ERI2: variants seen among roughly 807,000 people sequenced by gnomAD.
The protein encoded by ERI2 is ERI1 exoribonuclease 2.
Under a neutral mutation model 46.8 loss-of-function variants are expected in ERI2, and 35 were observed. That is an observed-to-expected ratio of 0.75 (90% CI 0.57 to 0.99). ERI2 has a LOEUF of 0.99. Among genes scored for constraint, ERI2 ranks in the 50% least tolerant of loss-of-function variants. ERI2 has a pLI of 0.00. For missense variants in ERI2, 695 were observed against 796.2 expected (o/e 0.87, Z 1.53); for synonymous variants, 224 against 271.0 (o/e 0.83, Z 1.70).
chr16:20,801,358 G>T lies in ERI2; in HGVS notation c.305C>A (p.Ala102Asp). 1 of 1,592,468 alleles carries T rather than the reference G, an allele frequency of 6.3e-7. No individual in the cohort carries two copies. The highest frequency in any genetic ancestry group is 1.2e-5 in the South Asian group (1 of 86,396). ...CAGAGGGACTCCTTCATCAACTTGAGCCTGAGTAGAGAGTCACAAAAGCTG... is the reference window on the plus strand; with the variant it reads ...CAGAGGGACTCCTTCATCAACTTGATCCTGAGTAGAGAGTCACAAAAGCTG... ...FCMELTGIKQ[A>D]QVDEGVPLKI... Residue 102 changes from alanine (A) to aspartate (D), a missense_variant and splice_region_variant, in exon 5 of 9, where the codon GCT becomes GAT. Ala to Asp is a moderately radical substitution (Grantham distance 126). Coordinates refer to ENST00000357967, the MANE Select transcript of ERI2 (RefSeq NM_001142725.2).
At chr16:20,795,087 CAAA>C (rs1427686860), downstream of ERI2, among the ~76,000 whole-genome samples, 3 of 152,102 alleles carry the variant, frequency 2.0e-5, no homozygotes, top group Non-Finnish European at 2.9e-5. Context: ...TATAAAATGT[CAAA>C]AAGTGAATGG....
rs1437879188 is a variant in ERI2, at chr16:20,798,395, C to T, written c.1405G>A (p.Glu469Lys). 1 of 1,550,352 alleles carries T rather than the reference C, an allele frequency of 6.5e-7. No individual in the cohort carries two copies. The highest frequency in any genetic ancestry group is 2.4e-5 in the East Asian group (1 of 40,922). Residue 469 changes from glutamate (E) to lysine (K), a missense_variant, in exon 9 of 9, where the codon GAG (glutamate) becomes AAG (lysine). By Grantham distance (56) the Glu-to-Lys change is moderately conservative (BLOSUM62 1). Transcript: ENST00000357967. ...TTGTACACAATAGACTTAGAAGTCT[C>T]AGATTTTTGAGGAGTTTCCTCTATG... The part of the protein sequence containing the change: ...GDIEETPQKS[E>K]TSKSIVYKSP...
Position 20,797,033 on chromosome 16 carries a change from C to A in ERI2, c.*691G>T, listed in dbSNP as rs966392783. On this transcript the variant is annotated 3_prime_UTR_variant, in exon 9 of 9. Transcript: ENST00000357967. ...CATAGTATCTGTCAATCTCTAGAAA[C>A]CACAAGATGATGGAGAGGTCATAAA... The A allele has an allele frequency of 1.3e-6, 2 of 1,579,874 alleles. No individual in the cohort carries two copies. Among genetic ancestry groups the A allele is most frequent in the African/African-American group, 2.7e-5 (2 of 73,030 alleles).
At chr16:20,781,163 A>G in intron 10 of ERI2, 1 of 1,610,926 alleles carries the variant, frequency 6.2e-7, no homozygotes. Context: ...CAATATTTAG[A>G]AATGCATTAA....
chr16:20,799,886 CA>C (rs34242757), intron 7 of ERI2, 70 bp downstream of exon 7: 5 of 925,006 alleles, frequency 5.4e-6, no homozygotes, highest in South Asian at 1.5e-5. Context: ...ATGACATTAC[CA>C]AAAAATGAAA....
At chr16:20,786,393 C>A in intron 10 of ERI2, 1 of 840,842 alleles carries the variant, frequency 1.2e-6, no homozygotes, top group Non-Finnish European at 1.6e-6. Context: ...AAACGTTAAC[C>A]CATTAGGCTG....
chr16:20,806,150 C>CA (rs2080867248), intron 1 of ERI2: 1 of 1,367,326 alleles, frequency 7.3e-7, no homozygotes, highest in African/African-American at 1.5e-5. Flanking sequence ...GGCACTGGCT[C>CA]AAGGCCACAC....
At chr16:20,803,894 G>A (rs984477423) in intron 1 of ERI2, among the ~76,000 whole-genome samples, 2 of 152,130 alleles carry the variant, frequency 1.3e-5, no homozygotes, top group Non-Finnish European at 1.5e-5. Context: ...GCTCTGTCAC[G>A]TAGGTTGCAG....
In ERI2 at chr16:20,806,402, G is replaced by A. The variant is rs997950480; in HGVS notation, c.23+6C>T. 1.6e-5 allele frequency: 25 copies of A among 1,550,484 alleles called. No homozygotes were observed. The highest frequency in any genetic ancestry group is 2.0e-5 in the Non-Finnish European group (23 of 1,147,276). On this transcript the variant is annotated splice_donor_region_variant and intron_variant, in intron 1 of 8. Coordinates refer to ENST00000357967, the MANE Select transcript of ERI2 (RefSeq NM_001142725.2). ...CCCGCCCCCGACCCGGAACTCCCTC[G>A]AGTACCGCGCGAGCCGCTTGGTCGC...
In ERI2 at chr16:20,790,636, T is replaced by C. The variant is rs775745545; in HGVS notation, c.815+214A>G. 15 of 1,614,150 alleles carry C rather than the reference T, an allele frequency of 9.3e-6. 1 individual carries two copies. The Admixed American group carries it at 1.5e-4, about 16-fold the overall frequency. ...CTACCTCCTGGACAAGAAGGAGATA[T>C]TGGCATTCAAGTTCTACCCAACCGA... is the stretch of plus-strand genomic sequence containing the variant. On this transcript the variant is annotated intron_variant, in intron 9 of 10. Transcript: ENST00000300005. The surrounding 1 kb of genome is among the most constrained non-coding windows in gnomAD (Gnocchi z 4.0).
downstream of ERI2, chr16:20,796,095 TG>T (rs536565463): frequency 4.0e-3 from 1,317 of 332,378 alleles, 13 homozygotes; most frequent in African/African-American, 0.027. Flanking sequence ...AACAAAGACA[TG>T]GCAAACTCAG....
chr16:20,781,877 C>A, intron 10 of ERI2: 1 of 976,828 alleles, frequency 1.0e-6, no homozygotes, highest in South Asian at 1.4e-5. Context: ...AAACATAGCT[C>A]CAAGCCAGTA....
chr16:20,791,599 G>A (rs2080598757), downstream of ERI2, among the ~76,000 whole-genome samples: 1 of 152,048 alleles, frequency 6.6e-6, no homozygotes, highest in Non-Finnish European at 1.5e-5. Flanking sequence ...CTTCTCAAAG[G>A]AGCCAAACTT....
intron 4 of ERI2, among the ~76,000 whole-genome samples, chr16:20,802,574 ATTT>A (rs564591571): frequency 2.3e-5 from 3 of 132,470 alleles, no homozygotes; most frequent in African/African-American, 2.8e-5. Context: ...GCTAATTTAA[ATTT>A]TTTTTTTTTT....
chr16:20,804,968 T>C (rs778022195), intron 1 of ERI2, among the ~76,000 whole-genome samples: 1 of 152,216 alleles, frequency 6.6e-6, no homozygotes, highest in Non-Finnish European at 1.5e-5. Context: ...ATGAGAAAAC[T>C]GATTCTTAAT....
At chr16:20,792,193 C>G, downstream of ERI2, 2 of 1,613,860 alleles carry the variant, frequency 1.2e-6, no homozygotes, top group Non-Finnish European at 1.7e-6. Context: ...CTAGAGTGAA[C>G]CTGCCACTCA....
exon 10 of ERI2, chr16:20,789,485 C>G (rs1375367779): frequency 3.1e-6 from 5 of 1,611,912 alleles, no homozygotes; most frequent in Admixed American, 1.7e-5. Context: ...TTACCATTGT[C>G]AACCAGAGAA....
rs1162776542 is a variant in ERI2 at position 20,798,477 on chromosome 16, T to C, written c.1323A>G (p.Gly441=). ...DSDLEISFNS[G]ERLMVLKELE... Reference sequence around the variant, plus strand: ...ATTCTTTCAAAACCATTAATCTTTCTCCAGAATTAAATGAAATCTCTAAGT... The same window carrying C: ...ATTCTTTCAAAACCATTAATCTTTCCCCAGAATTAAATGAAATCTCTAAGT... The change falls in exon 9 of 9, where the codon GGA becomes GGG. Residue 441 remains glycine (G), a synonymous_variant. Transcript: ENST00000357967. The C allele has an allele frequency of 1.3e-6, 2 of 1,551,484 alleles. No homozygotes were observed. The highest frequency in any genetic ancestry group is 2.4e-5 in the South Asian group (2 of 84,024).
At chr16:20,789,526 G>A (rs889436980) in exon 10 of ERI2, 28 of 1,613,696 alleles carry the variant, frequency 1.7e-5, no homozygotes, top group Non-Finnish European at 2.1e-5. Flanking sequence ...CTCATATTGG[G>A]CTTCTGAAGT....
Sources: allele counts gnomAD v4.1 joint callset (sites outside exome capture counted in the v4.1 genomes callset), GRCh38; gene constraint gnomAD v4.1.1; non-coding constraint Gnocchi (gnomAD v3.1); transcripts MANE v1.5; gene names NCBI Gene and HGNC (gene_info 2026-07-23, HGNC 2026-07-21).